The following INTS7 variants were observed in gnomAD, a reference collection of about 807,000 sequenced individuals.
INTS7 encodes the protein chromosome 1 open reading frame 73.
A neutral mutation model predicts 109.2 loss-of-function variants in INTS7; 46 were observed. The observed-to-expected ratio is 0.42, with a 90% CI of 0.33 to 0.54. The LOEUF is 0.54. INTS7 is among the 20% of genes least tolerant of loss of function. INTS7 has a pLI of 0.07. For synonymous variants in INTS7, 412 were observed against 402.9 expected, an observed-to-expected ratio of 1.02 and a Z score of -0.27; for missense variants, 929 against 1,132.4, an observed-to-expected ratio of 0.82 and a Z score of 2.58.
intron 2 of INTS7, 104 bp downstream of exon 2, chr1:212,020,979 C>T: frequency 9.5e-7 from 1 of 1,054,116 alleles, no homozygotes; most frequent in African/African-American, 1.6e-5. Flanking sequence ...CTAATGGTAA[C>T]TAACCAGGTG....
At chr1:211,998,368 G>A (rs575149440) in intron 7 of INTS7, among the ~76,000 whole-genome samples, 3 of 152,192 alleles carry the variant, frequency 2.0e-5, no homozygotes, top group Non-Finnish European at 4.4e-5. Flanking sequence ...TGTATTATTT[G>A]CACAGACCAA....
intron 7 of INTS7, among the ~76,000 whole-genome samples, chr1:211,988,556 T>G (rs1265124682): frequency 6.6e-6 from 1 of 152,082 alleles, no homozygotes; most frequent in Non-Finnish European, 1.5e-5. Flanking sequence ...GAATTATGAA[T>G]AAAGAATGAA....
intron 8 of INTS7, among the ~76,000 whole-genome samples, chr1:211,985,108 A>C (rs1461114483): frequency 2.0e-5 from 3 of 152,172 alleles, no homozygotes. Flanking sequence ...AGTATTTCCA[A>C]ATCATCTATG....
chr1:212,000,178 A>T (rs1223702473), intron 7 of INTS7, among the ~76,000 whole-genome samples: 1 of 152,134 alleles, frequency 6.6e-6, no homozygotes, highest in Non-Finnish European at 1.5e-5. Context: ...GATAAAAAAA[A>T]TTTTTAAATC....
chr1:211,997,828 G>A (rs899664869), intron 7 of INTS7, among the ~76,000 whole-genome samples: 3 of 148,742 alleles, frequency 2.0e-5, no homozygotes, highest in Non-Finnish European at 4.4e-5. Context: ...GCAGTAAGCT[G>A]AGATCACACC....
chr1:211,987,655 A>C (rs1008591553), intron 8 of INTS7, among the ~76,000 whole-genome samples: 1 of 152,200 alleles, frequency 6.6e-6, no homozygotes, highest in Non-Finnish European at 1.5e-5. Flanking sequence ...TAATTCAAAA[A>C]AAAAAGGACA....
At position 211,968,183 on chromosome 1, in the gene INTS7, G is replaced by T. The variant is rs1257214432; in HGVS notation, c.2011-202C>A. On this transcript the variant is annotated intron_variant, in intron 14 of 19. Coordinates refer to ENST00000366994, the MANE Select transcript of INTS7 (RefSeq NM_015434.4). ...CAAATGAAACTATACATGTTCACAAGATTATTATATATGACATATAGAAAC... is the reference window on the plus strand; with the variant it reads ...CAAATGAAACTATACATGTTCACAATATTATTATATATGACATATAGAAAC... Among the ~76,000 whole-genome samples, 8 of 151,958 alleles carry T rather than the reference G, an allele frequency of 5.3e-5. No homozygotes were observed. The East Asian group carries it at 1.5e-3, about 29-fold the overall frequency.
intron 1 of INTS7, 40 bp downstream of exon 1, chr1:212,035,304 C>G (rs779740605): frequency 2.2e-6 from 3 of 1,367,928 alleles, no homozygotes; most frequent in Non-Finnish European, 3.1e-6. Context: ...CCACTTCCCC[C>G]CACGCCTGTT....
intron 5 of INTS7, among the ~76,000 whole-genome samples, chr1:212,009,266 A>G (rs928384611): frequency 2.0e-5 from 3 of 152,184 alleles, no homozygotes; most frequent in Admixed American, 1.3e-4. Flanking sequence ...GATAAAATTT[A>G]AGGAACAATA....
At position 211,959,965 on chromosome 1, in the gene INTS7, C is replaced by T. The variant is rs186040858; in HGVS notation, c.2183+6465G>A. On this transcript the variant is annotated intron_variant, in intron 16 of 19. Transcript: ENST00000366994. The surrounding 1 kb of genome is among the most constrained non-coding windows in gnomAD (Gnocchi z 4.2). ...TGCCGCGGTGGACAAGTGTGCATCC[C>T]GTTATGCTGCTGTTGCTGCTGCTGG... Among the ~76,000 whole-genome samples, 35 of 152,138 alleles carry T rather than the reference C, an allele frequency of 2.3e-4. No individual in the cohort carries two copies. The East Asian group carries it at 4.1e-3, about 18-fold the overall frequency.
At chr1:211,964,965 T>A (rs2102405477) in intron 16 of INTS7, among the ~76,000 whole-genome samples, 1 of 152,242 alleles carries the variant, frequency 6.6e-6, no homozygotes, top group South Asian at 2.1e-4. Flanking sequence ...TGGGATCTAA[T>A]AAAACTAAAG....
Position 211,952,519 on chromosome 1 carries a change from A to T in INTS7, c.2316+50T>A, listed in dbSNP as rs1422797099. The T allele has an allele frequency of 3.2e-6, 5 of 1,579,180 alleles. No individual in the cohort carries two copies. In the South Asian group the frequency reaches 4.6e-5, roughly 15 times the overall value. On this transcript the variant is annotated intron_variant, in intron 17 of 19. Coordinates refer to ENST00000366994, the MANE Select transcript of INTS7 (RefSeq NM_015434.4). ...ACACAGTAAGTGCCATAAATGTATG[A>T]AAAACCCACATCCATACAATAAAAG...
chr1:211,983,924 T>C (rs1253118715), intron 8 of INTS7, among the ~76,000 whole-genome samples: 1 of 151,960 alleles, frequency 6.6e-6, no homozygotes, highest in African/African-American at 2.4e-5. Flanking sequence ...CATGGCCTAC[T>C]ACAGATCACA....
intron 7 of INTS7, among the ~76,000 whole-genome samples, chr1:211,994,013 C>A (rs1014615666): frequency 6.6e-6 from 1 of 151,894 alleles, no homozygotes; most frequent in African/African-American, 2.4e-5. Context: ...GAAATGGACA[C>A]AATGTGAACC....
At chr1:212,004,884 G>C (rs140601273) in intron 7 of INTS7, among the ~76,000 whole-genome samples, 5 of 152,354 alleles carry the variant, frequency 3.3e-5, no homozygotes, top group African/African-American at 1.2e-4. Context: ...ACGTAAGTCT[G>C]ATAATTCTAT....
At position 211,976,678 on chromosome 1, in the gene INTS7, T is replaced by G. The variant is rs776489152; in HGVS notation, c.1512A>C (p.Ala504=). Residue 504 remains alanine (A), a synonymous_variant, in exon 12 of 20, where the codon GCA becomes GCC. Transcript: ENST00000366994. ...TTACTGCCTTACTTTCCACAGACAA[T>G]GCCTTCTGACTTGCAACAAAAATCA... The part of the protein sequence containing the change: ...ATVIFVASQK[A]LSVESKAVIK... 1.2e-6 allele frequency: 2 copies of G among 1,614,010 alleles called. No individual in the cohort carries two copies. Among genetic ancestry groups the G allele is most frequent in the Admixed American group, 3.3e-5 (2 of 60,016 alleles).
Position 211,942,254 on chromosome 1 carries a change from G to T in INTS7, c.2602-143C>A. On this transcript the variant is annotated intron_variant, in intron 19 of 19. Coordinates refer to ENST00000366994, the MANE Select transcript of INTS7 (RefSeq NM_015434.4). This position sits in a 1 kb window ranked among gnomAD's most constrained non-coding sequence, Gnocchi z 4.2. ...CTGCTATCATCCTTGCTTCACCGAT[G>T]AGGAGTCTAAGGCAGACAGGTTAAG... 1.2e-6 allele frequency: 1 copy of T among 850,436 alleles called. No homozygotes were observed. Among genetic ancestry groups the T allele is most frequent in the Non-Finnish European group, 1.8e-6 (1 of 547,860 alleles). The allele number at this position is 850,436 out of a possible 1,614,324, so 52.7% of individuals were successfully genotyped here.
chr1:211,970,498 G>C (rs1664123596), intron 13 of INTS7, among the ~76,000 whole-genome samples: 1 of 152,018 alleles, frequency 6.6e-6, no homozygotes, highest in Non-Finnish European at 1.5e-5. Context: ...ATGATTTTGG[G>C]GTTCTAGAAG....
rs1320334480 is a variant in INTS7 at position 211,940,621 on chromosome 1, T to C, written c.*1203A>G. Reference sequence around the variant, plus strand: ...TGTGCTAAGAAAGTCTATTTTATCATGGTTTTCAACCAGAATTAAAATAGG... The same window carrying C: ...TGTGCTAAGAAAGTCTATTTTATCACGGTTTTCAACCAGAATTAAAATAGG... On this transcript the variant is annotated 3_prime_UTR_variant, in exon 20 of 20. Coordinates refer to ENST00000366994, the MANE Select transcript of INTS7 (RefSeq NM_015434.4). 1 of 152,176 alleles carries C rather than the reference T, an allele frequency of 6.6e-6. No homozygotes were observed. The highest frequency in any genetic ancestry group is 2.4e-5 in the African/African-American group (1 of 41,432). 9.4% of individuals were successfully genotyped at this position (152,176 alleles called of 1,614,324 possible).
Sources: gnomAD v4.1 joint callset for allele counts (sites outside exome capture counted in the v4.1 genomes callset) on GRCh38, gnomAD v4.1.1 for gene constraint, Gnocchi (gnomAD v3.1) non-coding constraint, MANE v1.5 for transcripts, NCBI Gene and HGNC (gene_info 2026-07-23, HGNC 2026-07-21) for gene names.